Variants in ARHGEF4 observed in about 807,000 individuals in gnomAD.
ARHGEF4 encodes the protein APC-stimulated guanine nucleotide exchange factor 1.
In ARHGEF4, 119 loss-of-function variants were observed where a neutral mutation model predicts 162.0. The observed-to-expected ratio is 0.73, with a 90% CI of 0.63 to 0.86. The LOEUF (loss-of-function observed/expected upper bound fraction) is 0.86, where lower values mean the gene tolerates loss of function less well. Among genes scored for constraint, ARHGEF4 ranks in the 40% least tolerant of loss-of-function variants. ARHGEF4 has a pLI of 0.00. For synonymous variants in ARHGEF4, 1,014 were observed against 979.9 expected (o/e 1.03, Z -0.65); for missense variants, 2,488 against 2,456.0 (o/e 1.01, Z -0.28).
At chr2:130,866,061 C>G (rs1461747270) in intron 1 of ARHGEF4, among the ~76,000 whole-genome samples, 1 of 152,044 alleles carries the variant, frequency 6.6e-6, no homozygotes, top group Non-Finnish European at 1.5e-5. Flanking sequence ...AAGAGGAAAA[C>G]TTTAGGGTCG....
chr2:130,917,407 A>G lies in ARHGEF4; in HGVS notation c.3461A>G (p.Gln1154Arg). The G allele has an allele frequency of 1.3e-6, 2 of 1,550,668 alleles. No homozygotes were observed. Among genetic ancestry groups the G allele is most frequent in the South Asian group, 1.2e-5 (1 of 84,064 alleles). ...CTGCTTTCTCTGCAGACGCTAAACC[A>G]AGATGAGCAGAAGGAAGAGAGCAGG... ...SFLLSLQTLN[Q>R]DEQKEESREG... The change falls in exon 2 of 14, where the codon CAA becomes CGA. Residue 1154 changes from glutamine to arginine, a missense_variant. Gln to Arg is a conservative substitution (Grantham distance 43, BLOSUM62 1). Transcript: ENST00000409359.
At chr2:131,043,420 G>T (rs777654595) in intron 10 of ARHGEF4, 32 bp from the exon 11 acceptor site, 2 of 1,612,670 alleles carry the variant, frequency 1.2e-6, no homozygotes, top group Non-Finnish European at 1.7e-6. Context: ...TTGGGTATGC[G>T]AGGCTCATGG....
At chr2:130,866,331 C>T (rs993015505) in intron 1 of ARHGEF4, among the ~76,000 whole-genome samples, 2 of 152,270 alleles carry the variant, frequency 1.3e-5, no homozygotes, top group African/African-American at 4.8e-5. Context: ...TTGCAGTGAG[C>T]CAAGTTTGTG....
intron 4 of ARHGEF4, among the ~76,000 whole-genome samples, chr2:130,998,524 G>C (rs1687552108): frequency 6.6e-6 from 1 of 152,126 alleles, no homozygotes; most frequent in African/African-American, 2.4e-5. Flanking sequence ...TCGTGGTTTT[G>C]CCTCTTCTGT....
In ARHGEF4 at chr2:130,941,262, A is replaced by G. The variant is rs181912901; in HGVS notation, c.3859-5247A>G. Among the ~76,000 whole-genome samples the G allele has an allele frequency of 1.2e-3, 185 of 149,666 alleles. 1 individual carries two copies. The highest frequency in any genetic ancestry group is 2.1e-3 in the Non-Finnish European group (144 of 67,762). ...TGCTCTGTTCCCCAGGCTGGAGTGC[A>G]GTGGCGTGATCTCAGCCCACTTCAA... On this transcript the variant is annotated intron_variant, in intron 3 of 13. Transcript: ENST00000409359.
intron 4 of ARHGEF4, among the ~76,000 whole-genome samples, chr2:130,986,686 A>G (rs905229650): frequency 7.9e-5 from 12 of 152,178 alleles, no homozygotes; most frequent in Non-Finnish European, 1.3e-4. Context: ...CAGCGGGAAG[A>G]ATGAAGAGTC....
At chr2:131,030,402 C>T (rs967705170) in intron 5 of ARHGEF4, among the ~76,000 whole-genome samples, 2 of 152,316 alleles carry the variant, frequency 1.3e-5, no homozygotes, top group Non-Finnish European at 1.5e-5. Flanking sequence ...ATTGTGTAAG[C>T]GCCTGTTTGG....
At chr2:130,951,639 A>G (rs1683965056) in intron 4 of ARHGEF4, among the ~76,000 whole-genome samples, 1 of 152,068 alleles carries the variant, frequency 6.6e-6, no homozygotes, top group Non-Finnish European at 1.5e-5. Flanking sequence ...TCACTGAGTG[A>G]ATATTTTCTA....
In ARHGEF4 at chr2:130,954,081, C is replaced by T. The variant is rs549888355; in HGVS notation, c.3985+7446C>T. ...TGTACCCAAAGGATTATAAATCATG[C>T]TGCTATAAAGACACGTGCACATGTA... On this transcript the variant is annotated intron_variant, in intron 4 of 13. Transcript: ENST00000409359. Among the ~76,000 whole-genome samples the T allele has an allele frequency of 2.0e-5, 3 of 152,304 alleles. 1 individual carries two copies. The highest frequency in any genetic ancestry group is 6.5e-5 in the Admixed American group (1 of 15,302).
chr2:130,988,883 TATATATATATATATATATAG>T (rs1686712755), intron 4 of ARHGEF4, among the ~76,000 whole-genome samples: 2 of 54,016 alleles, frequency 3.7e-5, no homozygotes, highest in African/African-American at 1.1e-4. Flanking sequence ...TATATATATA[TATATATATATATATATATAG>T]AGAGAGAGAG....
At chr2:130,873,648 A>G (rs1033341088) in intron 1 of ARHGEF4, among the ~76,000 whole-genome samples, 2 of 152,064 alleles carry the variant, frequency 1.3e-5, no homozygotes, top group African/African-American at 2.4e-5. Context: ...CTAATGACAG[A>G]ACTAAGTAGG....
chr2:130,962,581 C>T (rs978322887), intron 4 of ARHGEF4, among the ~76,000 whole-genome samples: 3 of 152,088 alleles, frequency 2.0e-5, no homozygotes, highest in Non-Finnish European at 2.9e-5. Flanking sequence ...TGGTACAGAG[C>T]TTGGAGCACA....
At chr2:130,929,722 A>T (rs1682507261) in intron 2 of ARHGEF4, 1 of 188,106 alleles carries the variant, frequency 5.3e-6, no homozygotes, top group African/African-American at 2.4e-5. Context: ...TATATCAGTA[A>T]GAAATTATAG....
intron 1 of ARHGEF4, among the ~76,000 whole-genome samples, chr2:130,885,498 A>G (rs1003405706): frequency 1.3e-5 from 2 of 150,864 alleles, no homozygotes; most frequent in Non-Finnish European, 2.9e-5. Flanking sequence ...AGTTTCCCAC[A>G]CATGCTTTTT....
intron 5 of ARHGEF4, among the ~76,000 whole-genome samples, chr2:131,030,241 T>TC (rs1689758485): frequency 2.6e-5 from 1 of 39,168 alleles, no homozygotes; most frequent in Non-Finnish European, 2.4e-4. Context: ...GGCGAAGAGG[T>TC]GTTTTTTTGG....
At chr2:130,975,012 AAGTT>A (rs763241811) in intron 4 of ARHGEF4, among the ~76,000 whole-genome samples, 3 of 152,142 alleles carry the variant, frequency 2.0e-5, no homozygotes, top group South Asian at 2.1e-4. Context: ...AAAAAAAAAT[AAGTT>A]AGTCTCAGGT....
intron 1 of ARHGEF4, among the ~76,000 whole-genome samples, chr2:130,882,331 G>A (rs1334979113): frequency 6.6e-6 from 1 of 152,042 alleles, no homozygotes; most frequent in African/African-American, 2.4e-5. Context: ...CTGGGTGGGT[G>A]GCTTACACAG....
chr2:130,845,856 C>A (rs960630815), intron 1 of ARHGEF4, among the ~76,000 whole-genome samples: 18 of 152,334 alleles, frequency 1.2e-4, no homozygotes, highest in Non-Finnish European at 2.2e-4. Context: ...GCCAGACCTA[C>A]GGTGTGATCC....
chr2:130,883,348 G>A (rs764639249), intron 1 of ARHGEF4, among the ~76,000 whole-genome samples: 2 of 152,024 alleles, frequency 1.3e-5, no homozygotes, highest in Admixed American at 6.5e-5. Flanking sequence ...GGGCCCTGAG[G>A]TCCCTGGGGT....
Sources: allele counts gnomAD v4.1 joint callset (sites outside exome capture counted in the v4.1 genomes callset), GRCh38; gene constraint gnomAD v4.1.1; transcripts MANE v1.5; gene names NCBI Gene and HGNC (gene_info 2026-07-23, HGNC 2026-07-21).